CLSTN2: variants seen among roughly 807,000 people sequenced by gnomAD.
The protein encoded by CLSTN2 is calsyntenin 2, also known as calsyntenin-2.
Under a neutral mutation model 101.2 loss-of-function variants are expected in CLSTN2, and 48 were observed. The observed-to-expected ratio is 0.47, with a 90% CI of 0.38 to 0.60. CLSTN2 has a LOEUF of 0.60. Among genes scored for constraint, CLSTN2 ranks in the 20% least tolerant of loss-of-function variants. The pLI is 0.00. For synonymous variants in CLSTN2, 481 were observed against 463.6 expected (o/e 1.04, Z -0.48); for missense variants, 1,160 against 1,238.2 (o/e 0.94, Z 0.95).
intron 1 of CLSTN2, among the ~76,000 whole-genome samples, chr3:140,098,254 A>T (rs1187262621): frequency 2.6e-5 from 4 of 152,182 alleles, no homozygotes; most frequent in African/African-American, 9.7e-5. Flanking sequence ...ATTTCTGCAA[A>T]TTCCTGTCAT....
rs181506929 is a variant in CLSTN2 at position 140,119,290 on chromosome 3, G to C, written c.110-56661G>C. On this transcript the variant is annotated intron_variant, in intron 1 of 16. Coordinates refer to ENST00000458420, the MANE Select transcript of CLSTN2 (RefSeq NM_022131.3). The stretch of plus-strand genomic sequence containing the variant: ...ACAGTCAACCAGTAATTGGTAATGA[G>C]CTCCCGTTGTCTATAGCTCTGCACT... Among the ~76,000 whole-genome samples, 313 of 152,312 alleles carry C rather than the reference G, an allele frequency of 2.1e-3. 2 individuals carry two copies. Among genetic ancestry groups the C allele is most frequent in the African/African-American group, 7.3e-3 (304 of 41,566 alleles).
chr3:139,959,368 A>G (rs924242193), intron 1 of CLSTN2, among the ~76,000 whole-genome samples: 3 of 152,172 alleles, frequency 2.0e-5, no homozygotes, highest in Non-Finnish European at 4.4e-5. Flanking sequence ...TGAGGTACAT[A>G]GTGTCGTTAG....
At chr3:140,424,123 G>A (rs1178344233) in intron 5 of CLSTN2, among the ~76,000 whole-genome samples, 1 of 152,182 alleles carries the variant, frequency 6.6e-6, no homozygotes, top group Non-Finnish European at 1.5e-5. Context: ...AGCTGACAAT[G>A]AGTTCTTCAT....
At chr3:140,021,759 G>A (rs2007321461) in intron 1 of CLSTN2, among the ~76,000 whole-genome samples, 2 of 152,136 alleles carry the variant, frequency 1.3e-5, no homozygotes, top group African/African-American at 4.8e-5. Flanking sequence ...TTTCTTTGGG[G>A]TTTAAGGCAA....
intron 1 of CLSTN2, among the ~76,000 whole-genome samples, chr3:140,036,970 T>G (rs75121155): frequency 0.053 from 8,076 of 152,234 alleles, 672 homozygotes; most frequent in African/African-American, 0.17. Flanking sequence ...AATTAAAACA[T>G]AATTCCTGTA....
intron 2 of CLSTN2, among the ~76,000 whole-genome samples, chr3:140,176,984 T>C (rs1489897492): frequency 6.6e-6 from 1 of 152,114 alleles, no homozygotes; most frequent in African/African-American, 2.4e-5. Flanking sequence ...GAAAAGGGGG[T>C]TCTTTTGCAC....
At chr3:140,023,772 G>A (rs1035694646) in intron 1 of CLSTN2, among the ~76,000 whole-genome samples, 11 of 152,106 alleles carry the variant, frequency 7.2e-5, no homozygotes, top group African/African-American at 2.2e-4. Context: ...ATTGTGCCTC[G>A]CATTTTCACC....
At chr3:139,965,394 G>A (rs1050777917) in intron 1 of CLSTN2, among the ~76,000 whole-genome samples, 1 of 152,178 alleles carries the variant, frequency 6.6e-6, no homozygotes, top group African/African-American at 2.4e-5. Flanking sequence ...TCTGGAGGCA[G>A]AAGTCAAGCT....
chr3:139,949,337 G>C (rs1057165495), intron 1 of CLSTN2, among the ~76,000 whole-genome samples: 2 of 152,186 alleles, frequency 1.3e-5, no homozygotes, highest in African/African-American at 4.8e-5. Context: ...GGAATGTAAG[G>C]CTGGTGTGTG....
chr3:140,380,852 G>T (rs748200534), intron 2 of CLSTN2, among the ~76,000 whole-genome samples: 1 of 152,182 alleles, frequency 6.6e-6, no homozygotes, highest in African/African-American at 2.4e-5. Flanking sequence ...TGGCTTATGC[G>T]CAGGACCAAG....
chr3:140,387,420 C>G (rs1221542292), intron 2 of CLSTN2, among the ~76,000 whole-genome samples: 1 of 152,192 alleles, frequency 6.6e-6, no homozygotes, highest in Non-Finnish European at 1.5e-5. Context: ...GTTTACTAAC[C>G]TCTCCATTGG....
intron 1 of CLSTN2, among the ~76,000 whole-genome samples, chr3:140,052,961 G>C (rs1026829468): frequency 6.6e-6 from 1 of 152,220 alleles, no homozygotes; most frequent in Non-Finnish European, 1.5e-5. Context: ...GCAGAAGCAG[G>C]CTGTTTGTAG....
intron 8 of CLSTN2, among the ~76,000 whole-genome samples, chr3:140,481,844 T>A (rs1277116900): frequency 6.6e-6 from 1 of 152,224 alleles, no homozygotes; most frequent in African/African-American, 2.4e-5. Flanking sequence ...TAAGGAGATT[T>A]TGGGCTGAGA....
At chr3:139,995,944 G>GC (rs1390618992) in intron 1 of CLSTN2, among the ~76,000 whole-genome samples, 1 of 152,012 alleles carries the variant, frequency 6.6e-6, no homozygotes, top group South Asian at 2.1e-4. Context: ...ATTAGGATTG[G>GC]CCCTCTTTTA....
rs558190415 is a variant in CLSTN2 at position 139,965,217 on chromosome 3, T to A, written c.109+29734T>A. On this transcript the variant is annotated intron_variant, in intron 1 of 16. Coordinates refer to ENST00000458420, the MANE Select transcript of CLSTN2 (RefSeq NM_022131.3). ...GCTCAAGACTGATTTTGGGCAGTGGTTCTGCATGGGAAGGATTGGAATTGA... is the reference window on the plus strand; with the variant it reads ...GCTCAAGACTGATTTTGGGCAGTGGATCTGCATGGGAAGGATTGGAATTGA... Among the ~76,000 whole-genome samples the A allele has an allele frequency of 5.3e-5, 8 of 152,338 alleles. No homozygotes were observed. In the East Asian group the frequency reaches 1.5e-3, roughly 29 times the overall value.
intron 1 of CLSTN2, among the ~76,000 whole-genome samples, chr3:139,990,327 C>T (rs1936095193): frequency 6.6e-6 from 1 of 152,072 alleles, no homozygotes; most frequent in Admixed American, 6.6e-5. Flanking sequence ...TAGGTGGGAG[C>T]ACTCTGTGGA....
In CLSTN2 at chr3:139,998,336, C is replaced by CT. The variant is rs60541490; in HGVS notation, c.109+62873dup. On this transcript the variant is annotated intron_variant, in intron 1 of 16. Coordinates refer to ENST00000458420, the MANE Select transcript of CLSTN2 (RefSeq NM_022131.3). ...ATGGGATAATAGTTCCCCCACATGC[C>CT]TTTTTTTTTTTTTTTTTTTTGTGAC... Among the ~76,000 whole-genome samples, 78 of 66,800 alleles carry CT rather than the reference C, an allele frequency of 1.2e-3. 7 individuals are homozygous for CT. Among genetic ancestry groups the CT allele is most frequent in the East Asian group, 5.2e-3 (8 of 1,540 alleles). The allele number at this position is 66,800 out of a possible 152,430, so 43.8% of individuals were successfully genotyped here.
intron 2 of CLSTN2, among the ~76,000 whole-genome samples, chr3:140,314,051 A>G (rs2087203547): frequency 6.6e-6 from 1 of 152,052 alleles, no homozygotes; most frequent in African/African-American, 2.4e-5. Flanking sequence ...ACAGCAGTGA[A>G]CTCTACCATT....
chr3:140,084,208 G>T (rs540065027), intron 1 of CLSTN2, among the ~76,000 whole-genome samples: 1 of 152,232 alleles, frequency 6.6e-6, no homozygotes, highest in East Asian at 1.9e-4. Flanking sequence ...CTCCTGAGAG[G>T]CACCACCACA....
Sources: allele counts gnomAD v4.1 joint callset (sites outside exome capture counted in the v4.1 genomes callset), GRCh38; gene constraint gnomAD v4.1.1; transcripts MANE v1.5; gene names NCBI Gene and HGNC (gene_info 2026-07-23, HGNC 2026-07-21).